The following ZMYND12 variants were observed in gnomAD, a reference collection of about 807,000 sequenced individuals.
The protein encoded by ZMYND12 is zinc finger MYND-type containing 12, also known as zinc finger MYND domain-containing protein 12.
Under a neutral mutation model 41.7 loss-of-function variants are expected in ZMYND12, and 32 were observed. The ratio of observed to expected loss-of-function variants is 0.77; its 90% CI spans 0.58 to 1.03. The LOEUF (loss-of-function observed/expected upper bound fraction) is 1.03, where lower values mean the gene tolerates loss of function less well. Among genes scored for constraint, ZMYND12 ranks in the 50% least tolerant of loss-of-function variants. The pLI, the probability that ZMYND12 is intolerant of heterozygous loss-of-function variation, is 0.00. For missense variants in ZMYND12, 424 were observed against 438.5 expected, an observed-to-expected ratio of 0.97 and a Z score of 0.30; for synonymous variants, 148 against 164.8, an observed-to-expected ratio of 0.90 and a Z score of 0.78.
chr1:42,441,774 CT>C (rs1387989866), intron 3 of ZMYND12, among the ~76,000 whole-genome samples: 13 of 152,154 alleles, frequency 8.5e-5, no homozygotes, highest in Non-Finnish European at 1.5e-4. Flanking sequence ...GCGCCCGCCA[CT>C]ACGCCCGGCT....
chr1:42,432,842 C>A, intron 7 of ZMYND12: 1 of 297,198 alleles, frequency 3.4e-6, no homozygotes, highest in Non-Finnish European at 6.1e-6. Flanking sequence ...GGAGTTAGAG[C>A]GGCTACTTCA....
intron 1 of ZMYND12, among the ~76,000 whole-genome samples, chr1:42,453,726 ACG>A (rs1409381833): frequency 6.6e-6 from 1 of 152,188 alleles, no homozygotes; most frequent in Admixed American, 6.5e-5. Flanking sequence ...GGTTTTACCC[ACG>A]GCGGTTTACT....
chr1:42,442,548 A>T (rs10437062), intron 3 of ZMYND12, among the ~76,000 whole-genome samples: 58,989 of 151,928 alleles, frequency 0.39, 11,953 homozygotes, highest in East Asian at 0.59. Flanking sequence ...TTGTCAGAAC[A>T]GAATAGAAAG....
At chr1:42,437,276 G>C in intron 4 of ZMYND12, among the ~76,000 whole-genome samples, 1 of 152,310 alleles carries the variant, frequency 6.6e-6, no homozygotes, top group African/African-American at 2.4e-5. Context: ...GGCTGGAACA[G>C]GAATGGGAAA....
In ZMYND12 at chr1:42,450,020, A is replaced by G. The variant is rs368975827; in HGVS notation, c.150T>C (p.His50=). ...VHQKADWDSI[H]EKICQLLIPL... is the part of the protein sequence containing the mutation. ...GAATCAAGAGCTGACATATTTTCTC[A>G]TGGATGCTGTCCCAGTCAGCCTTCT... The change falls in exon 2 of 8, where the codon CAT becomes CAC. Residue 50 remains histidine (H), a synonymous_variant. Transcript: ENST00000372565. 18 of 1,613,848 alleles carry G rather than the reference A, an allele frequency of 1.1e-5. No individual in the cohort carries two copies. The Middle Eastern group carries it at 6.6e-4, about 59-fold the overall frequency.
chr1:42,430,871 T>C lies in ZMYND12; in HGVS notation c.976-13A>G, dbSNP rs767316119. The C allele has an allele frequency of 4.0e-5, 65 of 1,613,610 alleles. No homozygotes were observed. Among genetic ancestry groups the C allele is most frequent in the Non-Finnish European group, 5.3e-5 (62 of 1,179,700 alleles). ...CATATTCCTGTGCCTGAAATAGAATTGCAGTGACAAAAGGAAGTTGTCACA... is the reference window on the plus strand; with the variant it reads ...CATATTCCTGTGCCTGAAATAGAATCGCAGTGACAAAAGGAAGTTGTCACA... On this transcript the variant is annotated splice_polypyrimidine_tract_variant and intron_variant, in intron 7 of 7. Coordinates refer to ENST00000372565, the MANE Select transcript of ZMYND12 (RefSeq NM_032257.5).
At chr1:42,455,124 G>A (rs902846027) in intron 1 of ZMYND12, among the ~76,000 whole-genome samples, 9 of 152,122 alleles carry the variant, frequency 5.9e-5, no homozygotes, top group African/African-American at 1.9e-4. Context: ...TTCTCCACTC[G>A]GCCCTTAGCA....
chr1:42,449,850 T>C (rs1570356034), intron 2 of ZMYND12, 68 bp downstream of exon 2: 2 of 1,570,684 alleles, frequency 1.3e-6, no homozygotes, highest in Non-Finnish European at 8.6e-7. Context: ...CCCAACACAG[T>C]TCGAGCCTTG....
intron 3 of ZMYND12, among the ~76,000 whole-genome samples, chr1:42,444,469 C>T (rs1352891238): frequency 1.3e-5 from 2 of 152,168 alleles, no homozygotes; most frequent in African/African-American, 4.8e-5. Context: ...GTGAAATCTT[C>T]CATTTAGACA....
intron 4 of ZMYND12, 45 bp downstream of exon 4, chr1:42,439,811 T>A (rs373778631): frequency 6.5e-6 from 10 of 1,529,448 alleles, no homozygotes; most frequent in Non-Finnish European, 8.8e-7. Context: ...GGTGTTATAA[T>A]TTAGATTTTG....
At chr1:42,439,799 C>T in intron 4 of ZMYND12, 57 bp downstream of exon 4, 1 of 1,485,776 alleles carries the variant, frequency 6.7e-7, no homozygotes, top group Non-Finnish European at 9.0e-7. Context: ...TGGAAATATA[C>T]AGGTGTTATA....
At chr1:42,452,526 C>A (rs1388436495) in intron 1 of ZMYND12, among the ~76,000 whole-genome samples, 1 of 152,114 alleles carries the variant, frequency 6.6e-6, no homozygotes, top group African/African-American at 2.4e-5. Context: ...TATGGTGAAA[C>A]ACCGTCTCTA....
At chr1:42,451,118 A>T (rs1037613616) in intron 1 of ZMYND12, among the ~76,000 whole-genome samples, 1 of 152,170 alleles carries the variant, frequency 6.6e-6, no homozygotes, top group Non-Finnish European at 1.5e-5. Context: ...TTCAAGTCTT[A>T]TATTTCCTTG....
rs752091770 is a variant in ZMYND12 at position 42,450,055 on chromosome 1, C to T, written c.115G>A (p.Val39Met). Reference protein sequence around the residue: ...AACTVTYYCGVVHQKADWDSI... With the variant: ...AACTVTYYCGMVHQKADWDSI... The stretch of plus-strand genomic sequence containing the variant: ...TCCCAGTCAGCCTTCTGATGTACCA[C>T]CCCACTGACAACGGAAACATAGACT... The change falls in exon 2 of 8, where the codon GTG (valine) becomes ATG (methionine). Residue 39 changes from valine to methionine, a missense_variant. Transcript: ENST00000372565. 3 of 1,613,572 alleles carry T rather than the reference C, an allele frequency of 1.9e-6. No individual in the cohort carries two copies. Among genetic ancestry groups the T allele is most frequent in the South Asian group, 1.1e-5 (1 of 91,062 alleles).
At chr1:42,435,603 C>T (rs953278083) in intron 5 of ZMYND12, 1 of 476,522 alleles carries the variant, frequency 2.1e-6, no homozygotes, top group African/African-American at 2.0e-5. Flanking sequence ...GGCAGCTCAT[C>T]TTGGGGTAGC....
chr1:42,451,925 T>C (rs192696527), intron 1 of ZMYND12, among the ~76,000 whole-genome samples: 2 of 152,306 alleles, frequency 1.3e-5, no homozygotes, highest in East Asian at 3.9e-4. Context: ...GCGGGCTCCC[T>C]GCTTATTGAT....
chr1:42,439,657 G>A (rs1405358210), intron 4 of ZMYND12, among the ~76,000 whole-genome samples, 199 bp downstream of exon 4: 1 of 152,178 alleles, frequency 6.6e-6, no homozygotes, highest in Non-Finnish European at 1.5e-5. Flanking sequence ...GGCCAAGGTT[G>A]AATAGCTATG....
chr1:42,449,812 G>T, intron 2 of ZMYND12, 106 bp downstream of exon 2: 1 of 1,379,954 alleles, frequency 7.2e-7, no homozygotes. Flanking sequence ...CAAAGTCTCT[G>T]CCCTCCGTGA....
intron 4 of ZMYND12, among the ~76,000 whole-genome samples, chr1:42,438,763 A>G (rs1022240303): frequency 1.1e-4 from 17 of 152,304 alleles, no homozygotes; most frequent in African/African-American, 4.1e-4. Flanking sequence ...CGGGCATTGT[A>G]CAGGCGGGCA....
Sources: allele counts gnomAD v4.1 joint callset (sites outside exome capture counted in the v4.1 genomes callset), GRCh38; gene constraint gnomAD v4.1.1; transcripts MANE v1.5; gene names NCBI Gene and HGNC (gene_info 2026-07-23, HGNC 2026-07-21).